MXRA8: variants seen among roughly 807,000 people sequenced by gnomAD.
MXRA8 encodes matrix remodeling associated 8, also known as matrix remodeling-associated protein 8.
Under a neutral mutation model 51.4 loss-of-function variants are expected in MXRA8, and 44 were observed. That is an observed-to-expected ratio of 0.86 (90% CI 0.67 to 1.10). The LOEUF is 1.10. Ranked by LOEUF, MXRA8 falls within the 50% of genes least tolerant of loss-of-function variation. MXRA8 has a pLI of 0.00. For missense variants in MXRA8, 765 were observed against 638.9 expected (o/e 1.20, Z -2.13); for synonymous variants, 369 against 293.5 (o/e 1.26, Z -2.63).
At chr1:1,356,836 A>G in intron 1 of MXRA8, 132 bp from the exon 2 acceptor site, 2 of 748,710 alleles carry the variant, frequency 2.7e-6, no homozygotes, top group Non-Finnish European at 3.8e-6. Flanking sequence ...TGCAGGGAGG[A>G]CGCCTCTCAC....
upstream of MXRA8, chr1:1,358,678 T>C: frequency 7.1e-7 from 1 of 1,401,060 alleles, no homozygotes; most frequent in Non-Finnish European, 9.3e-7. Context: ...GCCTCCCCCA[T>C]CGTTGCTGGC....
chr1:1,358,742 C>T (rs1006804779), upstream of MXRA8: 9 of 1,345,484 alleles, frequency 6.7e-6, no homozygotes, highest in East Asian at 3.0e-5. Context: ...CCGGTCAGGC[C>T]TGGGGAGGGG....
chr1:1,360,921 GAC>G (rs551126922), upstream of MXRA8, among the ~76,000 whole-genome samples: 8 of 151,544 alleles, frequency 5.3e-5, no homozygotes, highest in South Asian at 1.0e-3. Flanking sequence ...TGCACACGAA[GAC>G]ACATGGAGAC....
intron 2 of MXRA8, 128 bp downstream of exon 2, chr1:1,356,553 G>C (rs1196202201): frequency 1.8e-6 from 1 of 541,364 alleles, no homozygotes; most frequent in East Asian, 3.5e-5. Flanking sequence ...GGTGCCCAAG[G>C]GTCCTGATGA....
Position 1,354,377 on chromosome 1 carries a change from A to C in MXRA8, c.1082T>G (p.Leu361Arg), listed in dbSNP as rs1644072484. ...ACCTCCGCGGCGCCTGCGGGCGGCCAGGAGGACAGTGACCAGTAGCAGGAT... is the reference window on the plus strand; with the variant it reads ...ACCTCCGCGGCGCCTGCGGGCGGCCCGGAGGACAGTGACCAGTAGCAGGAT... ...LFILLLVTVL[L>R]AARRRRGGYE... Residue 361 changes from leucine (L) to arginine (R), a missense_variant, in exon 6 of 10, where the codon CTG becomes CGG. Transcript: ENST00000309212. The C allele has an allele frequency of 1.9e-6, 3 of 1,611,588 alleles. No individual in the cohort carries two copies. Among genetic ancestry groups the C allele is most frequent in the Non-Finnish European group, 2.5e-6 (3 of 1,179,614 alleles).
At chr1:1,353,813 C>T (rs368754643) in intron 9 of MXRA8, 35 bp downstream of exon 9, 72 of 1,544,252 alleles carry the variant, frequency 4.7e-5, no homozygotes, top group Admixed American at 1.1e-4. Flanking sequence ...ACAGGCAGGG[C>T]TCTGAGATGG....
upstream of MXRA8, among the ~76,000 whole-genome samples, chr1:1,360,300 C>T (rs1265852754): frequency 2.6e-5 from 4 of 152,208 alleles, no homozygotes; most frequent in African/African-American, 9.7e-5. Flanking sequence ...CAGCTGACCC[C>T]CATGGGGCCC....
upstream of MXRA8, among the ~76,000 whole-genome samples, chr1:1,360,772 G>A (rs915525478): frequency 1.3e-5 from 2 of 152,056 alleles, no homozygotes; most frequent in African/African-American, 4.8e-5. Context: ...CAGGCAGCCC[G>A]TCTCATTGGG....
At chr1:1,361,419 G>C, upstream of MXRA8, 3 of 666,998 alleles carry the variant, frequency 4.5e-6, no homozygotes, top group Non-Finnish European at 2.8e-6. Flanking sequence ...GCATGTGGTG[G>C]AGGGAATGAG....
chr1:1,359,641 G>A, upstream of MXRA8: 1 of 932,102 alleles, frequency 1.1e-6, no homozygotes, highest in Non-Finnish European at 1.3e-6. Flanking sequence ...TGGTCTCAGG[G>A]CGAGGGGAGG....
intron 1 of MXRA8, among the ~76,000 whole-genome samples, chr1:1,357,856 A>T (rs1486616949): frequency 2.0e-5 from 3 of 152,116 alleles, no homozygotes; most frequent in Non-Finnish European, 4.4e-5. Flanking sequence ...CCCTGATCCC[A>T]ATAAAGGGTT....
At chr1:1,358,889 C>G (rs1334808342), upstream of MXRA8, 2 of 1,018,002 alleles carry the variant, frequency 2.0e-6, no homozygotes, top group African/African-American at 3.4e-5. Flanking sequence ...CCCCTCCGCC[C>G]CACCTCTGGC....
In MXRA8 at chr1:1,354,198, T is replaced by C. The variant is rs894496740; in HGVS notation, c.1140A>G (p.Ser380=). 2 of 1,612,542 alleles carry C rather than the reference T, an allele frequency of 1.2e-6. No homozygotes were observed. The highest frequency in any genetic ancestry group is 1.3e-5 in the African/African-American group (1 of 74,930). The change falls in exon 7 of 10, where the codon TCA becomes TCG. Residue 380 remains serine, a synonymous_variant. Coordinates refer to ENST00000309212, the MANE Select transcript of MXRA8 (RefSeq NM_032348.4). ...YEYSDQKSGK[S]KGKDVNLAEF... ...GCCGGGAGGGGGGCACTCACCCCTTTGACTTTCCCGACTTCTGGTCCGAGT... is the reference window on the plus strand; with the variant it reads ...GCCGGGAGGGGGGCACTCACCCCTTCGACTTTCCCGACTTCTGGTCCGAGT...
rs758695333 is a variant in MXRA8, at chr1:1,358,490, G to T, written c.15C>A (p.Ser5=). The change falls in exon 1 of 10, where the codon TCC becomes TCA. Residue 5 remains serine, a synonymous_variant. Coordinates refer to ENST00000309212, the MANE Select transcript of MXRA8 (RefSeq NM_032348.4). MALP[S]RILLWKLVLL... is the part of the protein sequence containing the mutation. ...GCACAAGTTTCCAAAGCAGGATTCG[G>T]GATGGCAGCGCCATGGCCCCCGCCC... 1 of 1,613,402 alleles carries T rather than the reference G, an allele frequency of 6.2e-7. No homozygotes were observed. The highest frequency in any genetic ancestry group is 8.5e-7 in the Non-Finnish European group (1 of 1,179,706).
At chr1:1,360,899 G>A (rs1365308391), upstream of MXRA8, among the ~76,000 whole-genome samples, 1 of 150,252 alleles carries the variant, frequency 6.7e-6, no homozygotes, top group Non-Finnish European at 1.5e-5. Context: ...GACACACAGA[G>A]ATACACACGC....
Position 1,353,558 on chromosome 1 carries a change from ACAGGAGAGGTGCAGCTGCTGGCCCAGC to A in MXRA8, c.*19_*45del, listed in dbSNP as rs1557680061. The stretch of plus-strand genomic sequence containing the variant: ...TCAGGAGATGCCCCGAGGAGCACAG[ACAGGAGAGGTGCAGCTGCTGGCCCAGC>A]CAGGAGCCCAGGGCCTCCCTATTTG... On this transcript the variant is annotated 3_prime_UTR_variant, in exon 10 of 10. Coordinates refer to ENST00000309212, the MANE Select transcript of MXRA8 (RefSeq NM_032348.4). 1.9e-6 allele frequency: 3 copies of A among 1,551,552 alleles called. No homozygotes were observed. Among genetic ancestry groups the A allele is most frequent in the Non-Finnish European group, 2.6e-6 (3 of 1,147,594 alleles).
upstream of MXRA8, chr1:1,361,202 A>G: frequency 1.4e-6 from 1 of 703,282 alleles, no homozygotes; most frequent in Non-Finnish European, 2.6e-6. Context: ...ACAGAGACAC[A>G]CACAGACACA....
At chr1:1,357,111 A>T (rs927724028) in intron 1 of MXRA8, among the ~76,000 whole-genome samples, 1 of 152,056 alleles carries the variant, frequency 6.6e-6, no homozygotes, top group African/African-American at 2.4e-5. Flanking sequence ...GACGCTGGGG[A>T]CCCCACACCA....
chr1:1,353,464 C>T lies in MXRA8; in HGVS notation c.*140G>A. The T allele has an allele frequency of 6.7e-7, 1 of 1,502,894 alleles. No homozygotes were observed. Among genetic ancestry groups the T allele is most frequent in the African/African-American group, 1.4e-5 (1 of 71,314 alleles). The allele number at this position is 1,502,894 out of a possible 1,614,324, so 93.1% of individuals were successfully genotyped here. A position where few individuals can be genotyped will look rare whatever the true frequency, so the allele number is the denominator to read the frequency against. On this transcript the variant is annotated 3_prime_UTR_variant, in exon 10 of 10. Transcript: ENST00000309212. Reference sequence around the variant, plus strand: ...TGGGAGAGGGGTGTGGAGGCGGCCTCTGCATACGCCCAGGCCAAATTCCAG... The same window carrying T: ...TGGGAGAGGGGTGTGGAGGCGGCCTTTGCATACGCCCAGGCCAAATTCCAG...
Sources: allele counts gnomAD v4.1 joint callset (sites outside exome capture counted in the v4.1 genomes callset), GRCh38; gene constraint gnomAD v4.1.1; transcripts MANE v1.5; gene names NCBI Gene and HGNC (gene_info 2026-07-23, HGNC 2026-07-21).